CPD: variants seen among roughly 807,000 people sequenced by gnomAD.
The protein encoded by CPD is carboxypeptidase D, also known as metallocarboxypeptidase D.
In CPD, 69 loss-of-function variants were observed where a neutral mutation model predicts 138.3. That is an observed-to-expected ratio of 0.50 (90% CI 0.41 to 0.61). The LOEUF (loss-of-function observed/expected upper bound fraction) is 0.61, where lower values mean the gene tolerates loss of function less well. Among genes scored for constraint, CPD ranks in the 20% least tolerant of loss-of-function variants. The probability of loss-of-function intolerance (pLI) is 0.00; values close to 1 mark genes in which losing one functional copy is unlikely to be tolerated. For synonymous variants in CPD, 651 were observed against 642.1 expected (o/e 1.01, Z -0.21); for missense variants, 1,432 against 1,733.3 (o/e 0.83, Z 3.09).
intron 4 of CPD, among the ~76,000 whole-genome samples, 155 bp downstream of exon 4, chr17:30,421,988 A>G (rs1597719637): frequency 6.6e-6 from 1 of 152,140 alleles, no homozygotes; most frequent in South Asian, 2.1e-4. Context: ...AGAAAATACT[A>G]TTGTGGAGTT....
In CPD at chr17:30,421,787, C is replaced by T. The variant is rs1436570603; in HGVS notation, c.1261C>T (p.Arg421Ter). The T allele has an allele frequency of 2.5e-6, 4 of 1,613,540 alleles. No homozygotes were observed. Among genetic ancestry groups the T allele is most frequent in the East Asian group, 2.2e-5 (1 of 44,860 alleles). The stretch of plus-strand genomic sequence containing the variant: ...AACAGGCAGATTTGGTGATTTCTAC[C>T]GATTACTTGTTCCTGGAACTTACAA... ...ITTGRFGDFY[R>*]LLVPGTYNLT... is the part of the protein sequence containing the mutation. The change falls in exon 4 of 21, where the codon CGA (arginine) becomes TGA (stop). Residue 421 changes from arginine (R) to a stop codon, truncating the protein, a stop_gained. Transcript: ENST00000225719. LOFTEE classifies it high-confidence loss of function.
In CPD at chr17:30,400,652, C is replaced by CTTTTTTTTTTT. The variant is rs34301387; in HGVS notation, c.994+15430_994+15440dup. On this transcript the variant is annotated intron_variant, in intron 2 of 20. Transcript: ENST00000225719. ...TGAGAATGTGTATTTTGCCATCATTCTTTTTTTTTTTTTTTTTTTTTTTTG... is the reference window on the plus strand; with the variant it reads ...TGAGAATGTGTATTTTGCCATCATTCTTTTTTTTTTTTTTTTTTTTTTTTTTTTTTTTTTTG... 1.9e-3 allele frequency among the ~76,000 whole-genome samples: 107 copies of CTTTTTTTTTTT among 57,584 alleles called. 14 individuals carry two copies. The highest frequency in any genetic ancestry group is 3.7e-3 in the African/African-American group (48 of 12,854). The allele number at this position is 57,584 out of a possible 152,430, so 37.8% of individuals were successfully genotyped here.
chr17:30,443,871 A>G lies in CPD; in HGVS notation c.2443A>G (p.Ser815Gly). The part of the protein sequence containing the change: ...DGRGILNATI[S>G]VAEINHPVTT... ...CAGGGGTATATTAAATGCCACCATT[A>G]GTGTTGCTGAGATTAATCACCCAGT... Residue 815 changes from serine (S) to glycine (G), a missense_variant, in exon 11 of 21, where the codon AGT (serine) becomes GGT (glycine). Transcript: ENST00000225719. 2 of 1,613,952 alleles carry G rather than the reference A, an allele frequency of 1.2e-6. No individual in the cohort carries two copies. Among genetic ancestry groups the G allele is most frequent in the Non-Finnish European group, 1.7e-6 (2 of 1,179,846 alleles).
rs970353501 is a variant in CPD, at chr17:30,442,157, C to T, written c.2231-151C>T. On this transcript the variant is annotated intron_variant, in intron 9 of 20. Coordinates refer to ENST00000225719, the MANE Select transcript of CPD (RefSeq NM_001304.5). Reference sequence around the variant, plus strand: ...AGGTATAGGTGTTTTGCTTGTATCGCAAGCATCAAAGTGCCCTCACATGAA... The same window carrying T: ...AGGTATAGGTGTTTTGCTTGTATCGTAAGCATCAAAGTGCCCTCACATGAA... The T allele has an allele frequency of 1.6e-5, 9 of 571,630 alleles. No individual in the cohort carries two copies. In the African/African-American group the frequency reaches 1.7e-4, roughly 11 times the overall value. 35.4% of individuals were successfully genotyped at this position (571,630 alleles called of 1,614,324 possible). A position where few individuals can be genotyped will look rare whatever the true frequency, so the allele number is the denominator to read the frequency against.
chr17:30,408,021 A>G (rs138840866), intron 2 of CPD, among the ~76,000 whole-genome samples: 6,709 of 152,284 alleles, frequency 0.044, 226 homozygotes, highest in Non-Finnish European at 0.063. Context: ...ATCCAGTTTC[A>G]GCTTCCTACA....
chr17:30,451,648 T>TGA, intron 13 of CPD, 63 bp from the exon 14 acceptor site: 1 of 1,493,098 alleles, frequency 6.7e-7, no homozygotes, highest in East Asian at 2.3e-5. Flanking sequence ...GTTTGAGGCA[T>TGA]GAGAGGGTAC....
intron 9 of CPD, among the ~76,000 whole-genome samples, chr17:30,439,394 C>CTTTTTTTTTTTTTTCTTTTT (rs71138889): frequency 8.0e-6 from 1 of 124,670 alleles, no homozygotes; most frequent in African/African-American, 3.1e-5. Flanking sequence ...ACGTTACTTT[C>CTTTTTTTTTTTTTTCTTTTT]TTTTTTTTTT....
chr17:30,386,070 C>T (rs879285313), intron 2 of CPD, among the ~76,000 whole-genome samples: 1 of 152,074 alleles, frequency 6.6e-6, no homozygotes, highest in Non-Finnish European at 1.5e-5. Flanking sequence ...CACTCTGTTA[C>T]CCAGGCTGCA....
intron 13 of CPD, among the ~76,000 whole-genome samples, 172 bp from the exon 14 acceptor site, chr17:30,451,539 T>G (rs1913166280): frequency 6.6e-6 from 1 of 152,250 alleles, no homozygotes. Context: ...TTGCTTATTT[T>G]TAATATATTT....
intron 2 of CPD, among the ~76,000 whole-genome samples, chr17:30,399,650 G>A (rs73277562): frequency 0.013 from 2,027 of 152,112 alleles, 44 homozygotes; most frequent in African/African-American, 0.046. Context: ...TGTGTGTATG[G>A]TGTATTTTTT....
At chr17:30,380,752 T>C (rs1567863339) in intron 1 of CPD, 7 of 708,282 alleles carry the variant, frequency 9.9e-6, no homozygotes, top group East Asian at 3.1e-5. Context: ...GCTTGAGCTA[T>C]CTCCAGAGAT....
At chr17:30,415,110 A>G (rs535853981) in intron 2 of CPD, among the ~76,000 whole-genome samples, 3 of 152,164 alleles carry the variant, frequency 2.0e-5, no homozygotes, top group Non-Finnish European at 2.9e-5. Flanking sequence ...TTTTCAGTAA[A>G]TGGCACTACT....
Position 30,420,962 on chromosome 17 carries a change from T to C in CPD, c.1116T>C (p.Ser372=). 1 of 1,613,690 alleles carries C rather than the reference T, an allele frequency of 6.2e-7. No individual in the cohort carries two copies. Among genetic ancestry groups the C allele is most frequent in the Non-Finnish European group, 8.5e-7 (1 of 1,179,710 alleles). ...LRQEWENNRE[S]LITLIEKVHI... ...AGGAATGGGAGAACAATCGTGAGTCTTTGATCACATTGATTGAAAAGGTAA... is the reference window on the plus strand; with the variant it reads ...AGGAATGGGAGAACAATCGTGAGTCCTTGATCACATTGATTGAAAAGGTAA... The change falls in exon 3 of 21, where the codon TCT becomes TCC. Residue 372 remains serine, a synonymous_variant. Coordinates refer to ENST00000225719, the MANE Select transcript of CPD (RefSeq NM_001304.5).
intron 17 of CPD, among the ~76,000 whole-genome samples, chr17:30,459,230 A>T (rs540489850): frequency 3.0e-3 from 230 of 77,360 alleles, no homozygotes; most frequent in Middle Eastern, 9.1e-3. Context: ...ATTATTTATT[A>T]TTTATTTTTT....
chr17:30,463,704 G>A (rs1913554685), intron 20 of CPD, among the ~76,000 whole-genome samples: 1 of 152,222 alleles, frequency 6.6e-6, no homozygotes, highest in Non-Finnish European at 1.5e-5. Context: ...TCCTGTGGGA[G>A]AGACCCTTAG....
At chr17:30,441,859 G>A (rs1439426115) in intron 9 of CPD, among the ~76,000 whole-genome samples, 3 of 149,392 alleles carry the variant, frequency 2.0e-5, no homozygotes, top group Admixed American at 6.7e-5. Flanking sequence ...CAAGGATATT[G>A]GTCTAAAATT....
intron 7 of CPD, among the ~76,000 whole-genome samples, chr17:30,430,200 T>G (rs1912524470): frequency 6.6e-6 from 1 of 152,186 alleles, no homozygotes; most frequent in African/African-American, 2.4e-5. Context: ...AGTGCATTCA[T>G]AGTGTTTTGC....
chr17:30,464,792 CATT>C lies in CPD; in HGVS notation c.4124_4126del (p.Leu1375del), dbSNP rs766399341. 2 of 1,613,758 alleles carry C rather than the reference CATT, an allele frequency of 1.2e-6. No homozygotes were observed. The highest frequency in any genetic ancestry group is 1.7e-6 in the Non-Finnish European group (2 of 1,179,750). ...GATGAAACAGACACTGAAGAGGAAA[CATT>C]ATATTCTAGCAAACATTGAAAAACA... On this transcript the variant is annotated inframe_deletion, in exon 21 of 21. Coordinates refer to ENST00000225719, the MANE Select transcript of CPD (RefSeq NM_001304.5).
At chr17:30,390,078 G>A (rs949910552) in intron 2 of CPD, among the ~76,000 whole-genome samples, 111 of 151,632 alleles carry the variant, frequency 7.3e-4, no homozygotes, top group African/African-American at 2.4e-3. Flanking sequence ...GAGTGCAGGC[G>A]TGATCTCAGC....
Sources: gnomAD v4.1 joint callset for allele counts (sites outside exome capture counted in the v4.1 genomes callset) on GRCh38, gnomAD v4.1.1 for gene constraint, MANE v1.5 for transcripts, NCBI Gene and HGNC (gene_info 2026-07-23, HGNC 2026-07-21) for gene names.